SLC15A5: variants seen among roughly 807,000 people sequenced by gnomAD.
SLC15A5 encodes solute carrier family 15 member 5, also known as Peptide/histidine transporter ENSP00000340402.
A neutral mutation model predicts 56.1 loss-of-function variants in SLC15A5; 58 were observed. The observed-to-expected ratio is 1.03, with a 90% CI of 0.84 to 1.29. The LOEUF is 1.29. Ranked by LOEUF, SLC15A5 falls within the 50% of genes most tolerant of loss-of-function variation. The pLI is 0.00. For missense variants in SLC15A5, 681 were observed against 672.1 expected, an observed-to-expected ratio of 1.01 and a Z score of -0.15; for synonymous variants, 264 against 250.5, an observed-to-expected ratio of 1.05 and a Z score of -0.51.
chr12:16,260,209 G>T (rs1864630093), intron 2 of SLC15A5, among the ~76,000 whole-genome samples: 1 of 152,026 alleles, frequency 6.6e-6, no homozygotes, highest in African/African-American at 2.4e-5. Context: ...TTTTTTTGGA[G>T]CTGCCCATTA....
intron 6 of SLC15A5, among the ~76,000 whole-genome samples, chr12:16,219,896 C>G: frequency 6.6e-6 from 1 of 152,090 alleles, no homozygotes; most frequent in East Asian, 1.9e-4. Context: ...AGCTGGTCTT[C>G]TTGCCAATGA....
intron 5 of SLC15A5, among the ~76,000 whole-genome samples, chr12:16,236,219 G>A (rs894895965): frequency 9.2e-4 from 140 of 152,190 alleles, no homozygotes; most frequent in African/African-American, 3.3e-3. Flanking sequence ...AATACTCATA[G>A]TGTAAACATT....
chr12:16,210,449 A>C (rs1479482960), intron 7 of SLC15A5, among the ~76,000 whole-genome samples: 5 of 152,200 alleles, frequency 3.3e-5, no homozygotes, highest in Admixed American at 2.6e-4. Context: ...GCCATACCAA[A>C]ACATCATATC....
intron 3 of SLC15A5, 91 bp from the exon 4 acceptor site, chr12:16,244,891 C>A (rs1414826635): frequency 1.5e-6 from 2 of 1,354,540 alleles, no homozygotes; most frequent in Non-Finnish European, 2.0e-6. Flanking sequence ...TTCAAGGATT[C>A]ACGGCAGTGA....
rs1031142480 is a variant in SLC15A5, at chr12:16,243,726, A to G, written c.975+854T>C. 2.0e-5 allele frequency among the ~76,000 whole-genome samples: 3 copies of G among 152,086 alleles called. No homozygotes were observed. Among genetic ancestry groups the G allele is most frequent in the African/African-American group, 7.2e-5 (3 of 41,420 alleles). ...TCCGCTTTCCCTTACACTACTATTA[A>G]CTGTGACCTACGGTGCCTCACCTCT... On this transcript the variant is annotated intron_variant, in intron 4 of 8. Coordinates refer to ENST00000344941, the MANE Select transcript of SLC15A5 (RefSeq NM_001170798.1). The surrounding 1 kb of genome is among the most constrained non-coding windows in gnomAD (Gnocchi z 4.4).
intron 5 of SLC15A5, among the ~76,000 whole-genome samples, chr12:16,233,352 CAA>C (rs1294765747): frequency 2.0e-5 from 3 of 151,980 alleles, no homozygotes; most frequent in Non-Finnish European, 4.4e-5. Context: ...ACTTACGTAA[CAA>C]GAGAGAAATA....
At chr12:16,202,299 G>C (rs1351004305) in intron 7 of SLC15A5, among the ~76,000 whole-genome samples, 1 of 152,088 alleles carries the variant, frequency 6.6e-6, no homozygotes, top group African/African-American at 2.4e-5. Flanking sequence ...GACCTGAATA[G>C]ACATTTCCTA....
chr12:16,225,055 A>G (rs1430092686), intron 5 of SLC15A5, among the ~76,000 whole-genome samples: 2 of 152,032 alleles, frequency 1.3e-5, no homozygotes, highest in African/African-American at 4.8e-5. Flanking sequence ...AAGGACATGA[A>G]CCCATGATTT....
rs561408443 is a variant in SLC15A5, at chr12:16,193,312, G to T, written c.1592+1033C>A. Among the ~76,000 whole-genome samples the T allele has an allele frequency of 4.6e-5, 7 of 152,116 alleles. No homozygotes were observed. In the South Asian group the frequency reaches 1.0e-3, roughly 23 times the overall value. On this transcript the variant is annotated intron_variant, in intron 8 of 8. Transcript: ENST00000344941. ...AGTGTAAGAAATGTAAAAATTCAGG[G>T]AGCTATTAAGGCTTTTAATTTTGTT...
intron 2 of SLC15A5, among the ~76,000 whole-genome samples, chr12:16,267,407 A>G (rs1864707706): frequency 8.6e-6 from 1 of 116,544 alleles, no homozygotes; most frequent in Non-Finnish European, 1.8e-5. Flanking sequence ...TACTTCAAAG[A>G]ATATTCTGGC....
At chr12:16,231,946 T>G (rs1159154178) in intron 5 of SLC15A5, among the ~76,000 whole-genome samples, 1 of 152,228 alleles carries the variant, frequency 6.6e-6, no homozygotes, top group African/African-American at 2.4e-5. Flanking sequence ...ATTCTCATAA[T>G]AATATGACTG....
intron 7 of SLC15A5, among the ~76,000 whole-genome samples, chr12:16,208,600 A>G (rs531177403): frequency 1.4e-4 from 22 of 152,230 alleles, no homozygotes; most frequent in African/African-American, 5.3e-4. Context: ...CCAGGAGTTT[A>G]AGGCTGCAGT....
rs183605011 is a variant in SLC15A5 at position 16,208,258 on chromosome 12, G to A, written c.1483+8635C>T. ...CACACTCTCTGGGTTGTCCCTGACC[G>A]AGTCCAACATTCCTTTCTTCAGGGC... On this transcript the variant is annotated intron_variant, in intron 7 of 8. Coordinates refer to ENST00000344941, the MANE Select transcript of SLC15A5 (RefSeq NM_001170798.1). Among the ~76,000 whole-genome samples, 285 of 152,274 alleles carry A rather than the reference G, an allele frequency of 1.9e-3. 6 individuals carry two copies. In the East Asian group the frequency reaches 0.028, roughly 15 times the overall value.
intron 5 of SLC15A5, among the ~76,000 whole-genome samples, chr12:16,224,978 T>C (rs1864226466): frequency 6.6e-6 from 1 of 150,608 alleles, no homozygotes; most frequent in Non-Finnish European, 1.5e-5. Flanking sequence ...ACATGCGGTG[T>C]TTGGTTTTTT....
At position 16,211,015 on chromosome 12, in the gene SLC15A5, C is replaced by T. The variant is rs376701272; in HGVS notation, c.1483+5878G>A. ...TATTGGGGCCCTGCTGACTTAGCCA[C>T]AGGAACCAAGGCACTAAACCAGTTG... On this transcript the variant is annotated intron_variant, in intron 7 of 8. Transcript: ENST00000344941. 1.8e-4 allele frequency among the ~76,000 whole-genome samples: 27 copies of T among 152,288 alleles called. No individual in the cohort carries two copies. In the East Asian group the frequency reaches 4.1e-3, roughly 23 times the overall value.
At chr12:16,205,019 A>T (rs1864000014) in intron 7 of SLC15A5, among the ~76,000 whole-genome samples, 1 of 152,134 alleles carries the variant, frequency 6.6e-6, no homozygotes, top group African/African-American at 2.4e-5. Flanking sequence ...CTGGAAAAAT[A>T]CTAGCAATAA....
chr12:16,272,857 T>A, intron 1 of SLC15A5, 74 bp from the exon 2 acceptor site: 1 of 1,300,124 alleles, frequency 7.7e-7, no homozygotes, highest in Non-Finnish European at 1.1e-6. Context: ...TTAAACAGGG[T>A]TTTTCTCTGA....
chr12:16,262,304 T>TTCATTCCTCTCATTCCTC (rs200360801), intron 2 of SLC15A5, among the ~76,000 whole-genome samples: 4 of 152,194 alleles, frequency 2.6e-5, no homozygotes, highest in Admixed American at 2.6e-4. Flanking sequence ...GAAATTACCT[T>TTCATTCCTCTCATTCCTC]TCATTCCTCT....
At chr12:16,261,999 A>T (rs888385529) in intron 2 of SLC15A5, among the ~76,000 whole-genome samples, 7 of 152,188 alleles carry the variant, frequency 4.6e-5, no homozygotes, top group African/African-American at 1.4e-4. Context: ...ATGAAGTCCT[A>T]TTATAATTTT....
Sources: gnomAD v4.1 joint callset for allele counts (sites outside exome capture counted in the v4.1 genomes callset) on GRCh38, gnomAD v4.1.1 for gene constraint, Gnocchi (gnomAD v3.1) non-coding constraint, MANE v1.5 for transcripts, NCBI Gene and HGNC (gene_info 2026-07-23, HGNC 2026-07-21) for gene names.